The following AUTS2 variants were observed in gnomAD, a reference collection of about 807,000 sequenced individuals.
AUTS2 encodes the protein autism susceptibility gene 2 protein.
AUTS2 carries 17 observed loss-of-function variants against 112.4 expected under a neutral mutation model. That is an observed-to-expected ratio of 0.15 (90% CI 0.10 to 0.23). The LOEUF (loss-of-function observed/expected upper bound fraction) is 0.23, where lower values mean the gene tolerates loss of function less well. AUTS2 is among the 10% of genes least tolerant of loss of function. The pLI, the probability that AUTS2 is intolerant of heterozygous loss-of-function variation, is 1.00. For synonymous variants in AUTS2, 751 were observed against 702.7 expected (o/e 1.07, Z -1.09); for missense variants, 1,510 against 1,701.6 (o/e 0.89, Z 1.98).
intron 1 of AUTS2, among the ~76,000 whole-genome samples, chr7:69,731,401 C>T (rs578111887): frequency 7.0e-4 from 106 of 152,230 alleles, no homozygotes; most frequent in African/African-American, 2.4e-3. Flanking sequence ...AATTTTAGCT[C>T]TCTAAACTCA....
chr7:70,619,489 C>T (rs892917304), intron 5 of AUTS2, among the ~76,000 whole-genome samples: 1 of 151,578 alleles, frequency 6.6e-6, no homozygotes, highest in African/African-American at 2.4e-5. Context: ...GAGAGAGCTG[C>T]GTTCTGAAGC....
chr7:69,956,297 A>T (rs1342410352), intron 2 of AUTS2, among the ~76,000 whole-genome samples: 7 of 152,174 alleles, frequency 4.6e-5, no homozygotes, highest in Non-Finnish European at 7.3e-5. Context: ...CATCAAGTAT[A>T]CATACATATG....
At chr7:70,536,768 C>T (rs113349319) in intron 5 of AUTS2, among the ~76,000 whole-genome samples, 11 of 151,908 alleles carry the variant, frequency 7.2e-5, no homozygotes, top group African/African-American at 1.7e-4. Flanking sequence ...GGCGAGTTGG[C>T]GCATGCTTGT....
chr7:70,190,838 G>C (rs1398178851), intron 4 of AUTS2, among the ~76,000 whole-genome samples: 1 of 152,140 alleles, frequency 6.6e-6, no homozygotes, highest in Non-Finnish European at 1.5e-5. Context: ...AATGAAGGAA[G>C]TGGGTATTTT....
intron 1 of AUTS2, among the ~76,000 whole-genome samples, chr7:69,693,469 A>G (rs760012278): frequency 1.4e-4 from 21 of 152,212 alleles, no homozygotes; most frequent in Admixed American, 1.3e-4. Context: ...GAAAACTACA[A>G]AAAAGACTAA....
chr7:70,591,384 C>CTTTG (rs55794656), intron 5 of AUTS2, among the ~76,000 whole-genome samples: 42,682 of 150,234 alleles, frequency 0.28, 6,480 homozygotes, highest in African/African-American at 0.35. Context: ...TTTACCCAGT[C>CTTTG]TTTGTTTGTT....
intron 2 of AUTS2, among the ~76,000 whole-genome samples, chr7:70,002,207 T>C (rs1323193718): frequency 6.6e-6 from 1 of 152,168 alleles, no homozygotes; most frequent in East Asian, 1.9e-4. Flanking sequence ...GGCCAATAAC[T>C]TGGGGATGTC....
intron 4 of AUTS2, among the ~76,000 whole-genome samples, chr7:70,226,629 C>T (rs531378032): frequency 6.6e-6 from 1 of 152,250 alleles, no homozygotes; most frequent in South Asian, 2.1e-4. Flanking sequence ...GGTTCAGCTA[C>T]CCTGCCATCA....
chr7:69,758,038 G>T (rs1220577034), intron 1 of AUTS2, among the ~76,000 whole-genome samples: 1 of 152,202 alleles, frequency 6.6e-6, no homozygotes, highest in Non-Finnish European at 1.5e-5. Context: ...CAGCATAGGC[G>T]ATCTTTGATC....
At chr7:70,774,543 C>A (rs947273607) in intron 12 of AUTS2, among the ~76,000 whole-genome samples, 3 of 152,210 alleles carry the variant, frequency 2.0e-5, no homozygotes. Context: ...TATTGTACTG[C>A]ACGGCTCTTT....
At chr7:70,656,788 G>T (rs1404560328) in intron 5 of AUTS2, among the ~76,000 whole-genome samples, 1 of 152,132 alleles carries the variant, frequency 6.6e-6, no homozygotes, top group Non-Finnish European at 1.5e-5. Flanking sequence ...AGATAACCCG[G>T]CCATGTTACC....
chr7:70,333,992 G>A (rs766533639), intron 4 of AUTS2, among the ~76,000 whole-genome samples: 5 of 152,092 alleles, frequency 3.3e-5, no homozygotes, highest in Admixed American at 6.6e-5. Context: ...ATTTTTGTGT[G>A]TTGATCTTGC....
At chr7:70,055,853 T>C (rs1371066661) in intron 2 of AUTS2, among the ~76,000 whole-genome samples, 3 of 152,164 alleles carry the variant, frequency 2.0e-5, no homozygotes, top group Non-Finnish European at 4.4e-5. Flanking sequence ...ATCTAATTTT[T>C]TTTATTTTTA....
At position 70,458,138 on chromosome 7, in the gene AUTS2, A is replaced by G. The variant is rs1457375287; in HGVS notation, c.690+22357A>G. On this transcript the variant is annotated intron_variant, in intron 5 of 18. Transcript: ENST00000342771. ...GCCTCAGGCCACCCCTCCTTCTAGA[A>G]GGAGCAGTGGGGGCCCTGGCAGGAG... Among the ~76,000 whole-genome samples, 9 of 152,268 alleles carry G rather than the reference A, an allele frequency of 5.9e-5. No homozygotes were observed. In the East Asian group the frequency reaches 1.7e-3, roughly 29 times the overall value.
At chr7:70,756,142 G>A (rs1017668020) in intron 6 of AUTS2, among the ~76,000 whole-genome samples, 8 of 152,046 alleles carry the variant, frequency 5.3e-5, no homozygotes, top group Non-Finnish European at 8.8e-5. Flanking sequence ...ATTTACACAC[G>A]TAGTTTTCAC....
intron 5 of AUTS2, chr7:70,436,742 T>C (rs1225911965): frequency 6.6e-6 from 1 of 152,282 alleles, no homozygotes; most frequent in Non-Finnish European, 1.5e-5. Context: ...GTGGGATCTT[T>C]CCAACAAACC....
intron 5 of AUTS2, among the ~76,000 whole-genome samples, chr7:70,696,051 C>G (rs1809079149): frequency 6.6e-6 from 1 of 152,034 alleles, no homozygotes. Context: ...GGAAAATGGT[C>G]CAGGTAATAG....
At chr7:70,117,193 G>C (rs1448621784) in intron 2 of AUTS2, among the ~76,000 whole-genome samples, 1 of 142,984 alleles carries the variant, frequency 7.0e-6, no homozygotes, top group East Asian at 2.0e-4. Context: ...CCCATATGTG[G>C]CACTTAATAC....
At chr7:70,304,717 CTTTTTTT>C (rs11464532) in intron 4 of AUTS2, among the ~76,000 whole-genome samples, 10 of 101,324 alleles carry the variant, frequency 9.9e-5, no homozygotes, top group South Asian at 3.7e-4. Flanking sequence ...GGATTTTTAA[CTTTTTTT>C]TTTTTTTTTT....
Sources: allele counts gnomAD v4.1 joint callset (sites outside exome capture counted in the v4.1 genomes callset), GRCh38; gene constraint gnomAD v4.1.1; transcripts MANE v1.5; gene names NCBI Gene and HGNC (gene_info 2026-07-23, HGNC 2026-07-21).